CATSPERD: variants seen among roughly 807,000 people sequenced by gnomAD.
CATSPERD encodes cation channel sperm-associated auxiliary subunit delta.
A neutral mutation model predicts 98.1 loss-of-function variants in CATSPERD; 86 were observed. The ratio of observed to expected loss-of-function variants is 0.88; its 90% confidence interval spans 0.74 to 1.05. CATSPERD has a LOEUF of 1.05. Ranked by LOEUF, CATSPERD falls within the 50% of genes least tolerant of loss-of-function variation. The probability of loss-of-function intolerance (pLI) is 0.00; values close to 1 mark genes in which losing one functional copy is unlikely to be tolerated. For missense variants in CATSPERD, 995 were observed against 1,005.7 expected, an observed-to-expected ratio of 0.99 and a Z score of 0.14; for synonymous variants, 394 against 390.2, an observed-to-expected ratio of 1.01 and a Z score of -0.12.
chr19:5,734,009 A>G (rs371774420), intron 5 of CATSPERD, 39 bp downstream of exon 5: 1 of 1,236,466 alleles, frequency 8.1e-7, no homozygotes, highest in Non-Finnish European at 1.2e-6. Flanking sequence ...GTTTGAGTGT[A>G]GTCAACATGA....
chr19:5,731,934 GGTTTT>G (rs960188295), intron 4 of CATSPERD, among the ~76,000 whole-genome samples: 13 of 151,662 alleles, frequency 8.6e-5, no homozygotes, highest in African/African-American at 1.9e-4. Context: ...CATCCAAGAA[GGTTTT>G]GTTTTGTTTT....
chr19:5,742,289 CGT>C (rs10649751), intron 7 of CATSPERD, among the ~76,000 whole-genome samples: 3 of 138,708 alleles, frequency 2.2e-5, no homozygotes, highest in Admixed American at 7.2e-5. Context: ...CGTGTGTGTG[CGT>C]GTGTACGTAT....
chr19:5,739,338 T>A lies in CATSPERD; in HGVS notation c.472T>A (p.Leu158Met), dbSNP rs201076963. The A allele has an allele frequency of 8.4e-6, 13 of 1,549,232 alleles. No individual in the cohort carries two copies. The highest frequency in any genetic ancestry group is 1.8e-5 in the Admixed American group (1 of 56,144). The change falls in exon 7 of 22, where the codon TTG becomes ATG. Residue 158 changes from leucine (L) to methionine (M), a missense_variant. Around this residue, in one of 3 missense-constraint regions of CATSPERD, gnomAD observed 228 missense variants for 209.6 expected, o/e 1.09. Transcript: ENST00000381624. ...GSLFCVHVSN[L>M]VFAYFRGDQI... ...TTTTTTTTTATAGCATGTCAGTAAT[T>A]TGGTTTTTGCATATTTCCGTGGAGA...
chr19:5,755,728 G>A (rs1432176897), intron 13 of CATSPERD, among the ~76,000 whole-genome samples: 7 of 151,600 alleles, frequency 4.6e-5, no homozygotes, highest in African/African-American at 1.5e-4. Flanking sequence ...AGCCAAGATC[G>A]TGCCATTGCA....
chr19:5,741,785 CGG>C (rs762072689), intron 7 of CATSPERD, among the ~76,000 whole-genome samples: 122 of 6,112 alleles, frequency 0.02, 25 homozygotes, highest in African/African-American at 0.045. Context: ...ATGCTGAAGG[CGG>C]GGGGGGGGGG....
chr19:5,773,240 T>C (rs1253716598), intron 20 of CATSPERD, among the ~76,000 whole-genome samples: 5 of 152,100 alleles, frequency 3.3e-5, no homozygotes, highest in African/African-American at 4.8e-5. Flanking sequence ...TACTCCCAGC[T>C]ACTCAGGAGA....
chr19:5,760,640 A>C (rs999171195), intron 15 of CATSPERD, among the ~76,000 whole-genome samples: 3 of 152,030 alleles, frequency 2.0e-5, no homozygotes, highest in African/African-American at 7.2e-5. Context: ...CAGTTGGGGA[A>C]GATGAGAAAC....
chr19:5,738,102 C>A (rs570952485), intron 6 of CATSPERD, among the ~76,000 whole-genome samples: 7 of 151,820 alleles, frequency 4.6e-5, no homozygotes, highest in Non-Finnish European at 8.8e-5. Context: ...AGGTAACTTT[C>A]GACTTCCCCA....
In CATSPERD at chr19:5,733,925, GTC is replaced by G; in HGVS notation, c.348_349del (p.Ile118LeufsTer2). ...ATTGCTGTTAGTAGTGGATCAAAAAGTCTATATTTATGATTATGAAAATAATT... is the reference window on the plus strand; with the variant it reads ...ATTGCTGTTAGTAGTGGATCAAAAAGTATATTTATGATTATGAAAATAATT... ...SLLLLVVDQKVYIYDYENNSW... is the reference protein window; with the variant it reads ...SLLLLVVDQKXYIYDYENNSW... On this transcript the variant is annotated frameshift_variant, in exon 5 of 22. Coordinates refer to ENST00000381624, the MANE Select transcript of CATSPERD (RefSeq NM_152784.4). LOFTEE classifies it high-confidence loss of function. The G allele has an allele frequency of 6.2e-7, 1 of 1,611,292 alleles. No homozygotes were observed. The highest frequency in any genetic ancestry group is 8.5e-7 in the Non-Finnish European group (1 of 1,178,818).
chr19:5,731,562 T>TTTTTTTTG (rs2055720288), intron 4 of CATSPERD, among the ~76,000 whole-genome samples: 1 of 102,530 alleles, frequency 9.8e-6, no homozygotes. Flanking sequence ...ACTTAACAGT[T>TTTTTTTTG]TTTTTTTTTT....
At chr19:5,721,337 GT>G (rs572616291) in intron 1 of CATSPERD, among the ~76,000 whole-genome samples, 130 of 150,638 alleles carry the variant, frequency 8.6e-4, no homozygotes, top group African/African-American at 3.1e-3. Context: ...TGGAGCCGGA[GT>G]TTTTGCTCTG....
chr19:5,730,372 G>A (rs1392873753), intron 4 of CATSPERD, among the ~76,000 whole-genome samples: 5 of 151,318 alleles, frequency 3.3e-5, no homozygotes, highest in Non-Finnish European at 5.9e-5. Context: ...GTGAAACCCC[G>A]TCTCTACTAA....
At chr19:5,758,938 A>AT (rs2056380572) in intron 14 of CATSPERD, 148 bp from the exon 15 acceptor site, 1 of 620,262 alleles carries the variant, frequency 1.6e-6, no homozygotes, top group Admixed American at 2.9e-5. Context: ...AAAAAAAAAA[A>AT]AAAAAAAAGG....
intron 9 of CATSPERD, among the ~76,000 whole-genome samples, chr19:5,746,644 A>G (rs1476128210): frequency 6.6e-6 from 1 of 151,832 alleles, no homozygotes; most frequent in Non-Finnish European, 1.5e-5. Context: ...CGTGTTAGCC[A>G]GGATGGTCTC....
rs1031512244 is a variant in CATSPERD, at chr19:5,741,793, GGGGGGT to G, written c.573+2357_573+2362del. Among the ~76,000 whole-genome samples, 670 of 96,170 alleles carry G rather than the reference GGGGGGT, an allele frequency of 7.0e-3. 201 individuals carry two copies. The highest frequency in any genetic ancestry group is 0.011 in the Admixed American group (114 of 10,246). The allele number at this position is 96,170 out of a possible 152,430, so 63.1% of individuals were successfully genotyped here. A position where few individuals can be genotyped will look rare whatever the true frequency, so the allele number is the denominator to read the frequency against. ...CTTTGGGATGCTGAAGGCGGGGGGGGGGGGGTGGTGTGGATCACTTGAGGTCAGGAG... is the reference window on the plus strand; with the variant it reads ...CTTTGGGATGCTGAAGGCGGGGGGGGGGTGTGGATCACTTGAGGTCAGGAG... On this transcript the variant is annotated intron_variant, in intron 7 of 21. Coordinates refer to ENST00000381624, the MANE Select transcript of CATSPERD (RefSeq NM_152784.4).
rs745502046 is a variant in CATSPERD, at chr19:5,778,656, G to A, written c.2377G>A (p.Gly793Arg). ...EPPGRHRTPH[G>R]GRSDH ...CCCGGGACGCCACCGCACTCCTCAC[G>A]GAGGCAGGTCTGACCACTGAGGCCG... Residue 793 changes from glycine (G) to arginine (R), a missense_variant, in exon 22 of 22, where the codon GGA becomes AGA. This residue lies in a region of CATSPERD where 762 missense variants were observed against 773.7 expected (regional missense o/e 0.98). Coordinates refer to ENST00000381624, the MANE Select transcript of CATSPERD (RefSeq NM_152784.4). 2.9e-5 allele frequency: 47 copies of A among 1,613,190 alleles called. No individual in the cohort carries two copies. The East Asian group carries it at 5.8e-4, about 20-fold the overall frequency.
Position 5,724,977 on chromosome 19 carries a change from T to G in CATSPERD, c.126+115T>G, listed in dbSNP as rs975030141. The stretch of plus-strand genomic sequence containing the variant: ...GTTGTCAAGCATTTAAGATCATTAC[T>G]TTATTCAGTCTTTACAGTTCTTTCC... On this transcript the variant is annotated intron_variant, in intron 2 of 21. Transcript: ENST00000381624. 4.4e-6 allele frequency: 4 copies of G among 919,508 alleles called. No individual in the cohort carries two copies. The Admixed American group carries it at 7.0e-5, about 16-fold the overall frequency. The allele number at this position is 919,508 out of a possible 1,614,324, so 57.0% of individuals were successfully genotyped here. A position where few individuals can be genotyped will look rare whatever the true frequency, so the allele number is the denominator to read the frequency against.
chr19:5,776,250 C>G lies in CATSPERD; in HGVS notation c.2031C>G (p.Asn677Lys). Residue 677 changes from asparagine to lysine, a missense_variant, in exon 21 of 22, where the codon AAC becomes AAG. Transcript: ENST00000381624. ...AGATCTTGGGCGGCCGGACAGCAAA[C>G]CAGATCATTTTCGGCCACAATGGCT... ...QYQILGGRTA[N>K]QIIFGHNGFY... The G allele has an allele frequency of 6.2e-7, 1 of 1,614,210 alleles. No homozygotes were observed. The highest frequency in any genetic ancestry group is 8.5e-7 in the Non-Finnish European group (1 of 1,180,044).
chr19:5,769,530 G>A (rs1055205369), intron 18 of CATSPERD, among the ~76,000 whole-genome samples: 19 of 152,024 alleles, frequency 1.2e-4, no homozygotes, highest in African/African-American at 4.3e-4. Context: ...CAAACCATAC[G>A]AAGACCCCTC....
Sources: allele counts gnomAD v4.1 joint callset (sites outside exome capture counted in the v4.1 genomes callset), GRCh38; gene constraint gnomAD v4.1.1; regional missense constraint gnomAD v4.1.1; transcripts MANE v1.5; gene names NCBI Gene and HGNC (gene_info 2026-07-23, HGNC 2026-07-21).